OVOL2: variants seen among roughly 807,000 people sequenced by gnomAD.
OVOL2 encodes transcription factor Ovo-like 2.
In OVOL2, 13 loss-of-function variants were observed where a neutral mutation model predicts 18.1. The ratio of observed to expected loss-of-function variants is 0.72; its 90% CI spans 0.47 to 1.14. The LOEUF (loss-of-function observed/expected upper bound fraction) is 1.14. OVOL2 is among the 50% of genes most tolerant of loss of function. OVOL2 has a pLI of 0.00. For missense variants in OVOL2, 335 were observed against 383.0 expected, an observed-to-expected ratio of 0.87 and a Z score of 1.05; for synonymous variants, 166 against 162.7, an observed-to-expected ratio of 1.02 and a Z score of -0.16.
intron 3 of OVOL2, among the ~76,000 whole-genome samples, chr20:18,036,444 G>A (rs953894984): frequency 3.9e-5 from 6 of 152,198 alleles, no homozygotes; most frequent in East Asian, 1.9e-4. Context: ...GCCAGTGGCC[G>A]CCGGACCAGC....
rs1286078592 is a variant in OVOL2, at chr20:18,024,359, A to C, written c.*277T>G. On this transcript the variant is annotated 3_prime_UTR_variant, in exon 4 of 4. Transcript: ENST00000278780. ...TGTGTGAAAATCCTTGGGGGAAAAA[A>C]AAATCCCACACGGTGTTCTTGGCCA... is the stretch of plus-strand genomic sequence containing the variant. The C allele has an allele frequency of 2.4e-6, 1 of 421,996 alleles. No individual in the cohort carries two copies. 26.1% of individuals were successfully genotyped at this position (421,996 alleles called of 1,614,324 possible). A position where few individuals can be genotyped will look rare whatever the true frequency, so the allele number is the denominator to read the frequency against.
chr20:18,058,579 A>G (rs1229928950), upstream of OVOL2, among the ~76,000 whole-genome samples: 1 of 150,602 alleles, frequency 6.6e-6, no homozygotes, highest in Non-Finnish European at 1.5e-5. Context: ...TAAACACACA[A>G]TAGAAACAAA....
At chr20:18,028,997 T>G (rs2036543942) in intron 3 of OVOL2, among the ~76,000 whole-genome samples, 1 of 151,798 alleles carries the variant, frequency 6.6e-6, no homozygotes. Context: ...ATCCTTCACA[T>G]TTTCTACAAA....
chr20:18,049,350 C>T (rs990246125), intron 2 of OVOL2, among the ~76,000 whole-genome samples: 4 of 151,344 alleles, frequency 2.6e-5, no homozygotes, highest in South Asian at 2.1e-4. Context: ...GTGAAAACAA[C>T]GACAAAAAAA....
intron 3 of OVOL2, among the ~76,000 whole-genome samples, chr20:18,027,302 C>T (rs1007200067): frequency 3.3e-5 from 5 of 151,986 alleles, no homozygotes; most frequent in African/African-American, 1.2e-4. Context: ...CTGACGTGGG[C>T]GGATCACCTG....
In OVOL2 at chr20:18,041,465, G is replaced by A. The variant is rs551940723; in HGVS notation, c.511+69C>T. ...TCCACGGTCTCAACCTGGTTTTTTGGTGGGAAAGAAACAGGAGCTCTTGGC... is the reference window on the plus strand; with the variant it reads ...TCCACGGTCTCAACCTGGTTTTTTGATGGGAAAGAAACAGGAGCTCTTGGC... On this transcript the variant is annotated intron_variant, in intron 3 of 3. Coordinates refer to ENST00000278780, the MANE Select transcript of OVOL2 (RefSeq NM_021220.4). 5.9e-6 allele frequency: 9 copies of A among 1,529,208 alleles called. No homozygotes were observed. The African/African-American group carries it at 1.1e-4, about 19-fold the overall frequency. The allele number at this position is 1,529,208 out of a possible 1,614,324, so 94.7% of individuals were successfully genotyped here.
intron 2 of OVOL2, among the ~76,000 whole-genome samples, chr20:18,055,328 C>T (rs2036810517): frequency 6.6e-6 from 1 of 152,162 alleles, no homozygotes; most frequent in African/African-American, 2.4e-5. Context: ...TCCTTCCAGC[C>T]TGGTGATAAA....
chr20:18,027,528 CAA>C (rs111486319), intron 3 of OVOL2, among the ~76,000 whole-genome samples: 83,480 of 142,618 alleles, frequency 0.59, 24,225 homozygotes, highest in African/African-American at 0.7. Flanking sequence ...ACTCCGTCTC[CAA>C]AAAAAAAAAA....
In OVOL2 at chr20:18,056,807, G is replaced by T; in HGVS notation, c.171C>A (p.Ser57Arg). The T allele has an allele frequency of 6.7e-7, 1 of 1,491,586 alleles. No individual in the cohort carries two copies. The highest frequency in any genetic ancestry group is 8.9e-7 in the Non-Finnish European group (1 of 1,127,962). 92.4% of individuals were successfully genotyped at this position (1,491,586 alleles called of 1,614,324 possible). ...CRSDGGSSSGSGSSSAGEPGG... is the reference protein window; with the variant it reads ...CRSDGGSSSGRGSSSAGEPGG... ...CAGGCTCCCCCGCGCTGCTGCTGCCGCTGCCGCTGCTGCTGCCGCCGTCGC... is the reference window on the plus strand; with the variant it reads ...CAGGCTCCCCCGCGCTGCTGCTGCCTCTGCCGCTGCTGCTGCCGCCGTCGC... The change falls in exon 2 of 4, where the codon AGC (serine) becomes AGA (arginine). Residue 57 changes from serine (S) to arginine (R), a missense_variant. Physicochemically the swap from Ser to Arg is moderately radical, Grantham distance 110. Coordinates refer to ENST00000278780, the MANE Select transcript of OVOL2 (RefSeq NM_021220.4). This position sits in a 1 kb window ranked among gnomAD's most constrained non-coding sequence, Gnocchi z 4.2.
At chr20:18,049,915 C>A (rs942626930) in intron 2 of OVOL2, among the ~76,000 whole-genome samples, 15 of 152,188 alleles carry the variant, frequency 9.9e-5, no homozygotes, top group Non-Finnish European at 1.9e-4. Flanking sequence ...CACATATTGA[C>A]TACGGCTGAC....
At chr20:18,055,601 AACC>A (rs1457769506) in intron 2 of OVOL2, among the ~76,000 whole-genome samples, 1 of 152,198 alleles carries the variant, frequency 6.6e-6, no homozygotes, top group African/African-American at 2.4e-5. Context: ...CCCGGAGTCA[AACC>A]CTGGGAATAC....
chr20:18,028,973 G>T lies in OVOL2; in HGVS notation c.512-4021C>A, dbSNP rs115387163. 5.6e-3 allele frequency among the ~76,000 whole-genome samples: 845 copies of T among 151,832 alleles called. 9 individuals carry two copies. Among genetic ancestry groups the T allele is most frequent in the African/African-American group, 0.019 (800 of 41,420 alleles). ...ACCTCTCCTTCCCTAGTCCTAACTC[G>T]CAAGTTTCTTGTGATCCTTCACATT... On this transcript the variant is annotated intron_variant, in intron 3 of 3. Transcript: ENST00000278780.
chr20:18,057,529 G>C lies in OVOL2; in HGVS notation c.100+6C>G, dbSNP rs2036841448. On this transcript the variant is annotated splice_donor_region_variant and intron_variant, in intron 1 of 3. Transcript: ENST00000278780. The surrounding 1 kb of genome is among the most constrained non-coding windows in gnomAD (Gnocchi z 6.3). Reference sequence around the variant, plus strand: ...GCGCCCAGGCCCGGCCCCCGCGCGCGCTCACCTGGGATGTAGGTGTCTGCC... The same window carrying C: ...GCGCCCAGGCCCGGCCCCCGCGCGCCCTCACCTGGGATGTAGGTGTCTGCC... 2 of 1,560,866 alleles carry C rather than the reference G, an allele frequency of 1.3e-6. No individual in the cohort carries two copies. Among genetic ancestry groups the C allele is most frequent in the South Asian group, 1.2e-5 (1 of 85,500 alleles).
intron 2 of OVOL2, among the ~76,000 whole-genome samples, chr20:18,051,671 A>G (rs1035198118): frequency 2.0e-5 from 3 of 152,218 alleles, no homozygotes; most frequent in African/African-American, 7.2e-5. Context: ...TGTACTGTCC[A>G]GTACATTAGC....
Position 18,024,531 on chromosome 20 carries a change from G to T in OVOL2, c.*105C>A, listed in dbSNP as rs1453491745. On this transcript the variant is annotated 3_prime_UTR_variant, in exon 4 of 4. Coordinates refer to ENST00000278780, the MANE Select transcript of OVOL2 (RefSeq NM_021220.4). Reference sequence around the variant, plus strand: ...TTCAAAAGGACACAGAGGTGAACTGGTCACTTCTAATTAAGAAGAGCCAGT... The same window carrying T: ...TTCAAAAGGACACAGAGGTGAACTGTTCACTTCTAATTAAGAAGAGCCAGT... The T allele has an allele frequency of 3.4e-6, 5 of 1,456,562 alleles. No individual in the cohort carries two copies. Among genetic ancestry groups the T allele is most frequent in the Non-Finnish European group, 3.6e-6 (4 of 1,103,436 alleles). 90.2% of individuals were successfully genotyped at this position (1,456,562 alleles called of 1,614,324 possible). A position where few individuals can be genotyped will look rare whatever the true frequency, so the allele number is the denominator to read the frequency against.
intron 3 of OVOL2, among the ~76,000 whole-genome samples, chr20:18,026,577 T>G (rs1198250906): frequency 6.6e-6 from 1 of 152,076 alleles, no homozygotes; most frequent in Non-Finnish European, 1.5e-5. Flanking sequence ...GAGACGGGGT[T>G]TCACCATGTT....
chr20:18,049,812 CAGG>C (rs942308819), intron 2 of OVOL2, among the ~76,000 whole-genome samples: 8 of 152,070 alleles, frequency 5.3e-5, no homozygotes, highest in African/African-American at 1.9e-4. Context: ...GTCTGTGGGG[CAGG>C]AGGAGGGGGC....
intron 3 of OVOL2, among the ~76,000 whole-genome samples, chr20:18,035,975 T>C (rs974183097): frequency 9.2e-5 from 14 of 152,204 alleles, no homozygotes; most frequent in Non-Finnish European, 1.8e-4. Context: ...AATACTACCA[T>C]TTCAATGTAA....
chr20:18,037,328 T>C (rs1274324263), intron 3 of OVOL2, among the ~76,000 whole-genome samples: 1 of 152,104 alleles, frequency 6.6e-6, no homozygotes, highest in Non-Finnish European at 1.5e-5. Flanking sequence ...TTGTGTGAGC[T>C]CCCTGAGCCT....
Sources: allele counts gnomAD v4.1 joint callset (sites outside exome capture counted in the v4.1 genomes callset), GRCh38; gene constraint gnomAD v4.1.1; non-coding constraint Gnocchi (gnomAD v3.1); transcripts MANE v1.5; gene names NCBI Gene and HGNC (gene_info 2026-07-23, HGNC 2026-07-21).